The following DPYD variants were observed in gnomAD, a reference collection of about 807,000 sequenced individuals.
DPYD encodes dihydropyrimidine dehydrogenase.
DPYD carries 109 observed loss-of-function variants against 116.2 expected under a neutral mutation model. The ratio of observed to expected loss-of-function variants is 0.94; its 90% CI spans 0.80 to 1.10. The LOEUF is 1.10. Ranked by LOEUF, DPYD falls within the 50% of genes least tolerant of loss-of-function variation. DPYD has a pLI of 0.00. For synonymous variants in DPYD, 440 were observed against 432.0 expected, an observed-to-expected ratio of 1.02 and a Z score of -0.23; for missense variants, 1,302 against 1,254.5, an observed-to-expected ratio of 1.04 and a Z score of -0.57.
intron 21 of DPYD, among the ~76,000 whole-genome samples, chr1:97,092,006 G>A (rs1384126241): frequency 6.6e-6 from 1 of 152,086 alleles, no homozygotes; most frequent in Non-Finnish European, 1.5e-5. Context: ...TTCTTCCCCT[G>A]GATACCCACA....
chr1:97,363,477 A>C (rs1349353796), intron 16 of DPYD, among the ~76,000 whole-genome samples: 1 of 152,244 alleles, frequency 6.6e-6, no homozygotes, highest in African/African-American at 2.4e-5. Flanking sequence ...ATTATAAATC[A>C]TGCTACTATA....
intron 5 of DPYD, among the ~76,000 whole-genome samples, chr1:97,704,011 C>T (rs1473548267): frequency 6.6e-6 from 1 of 151,930 alleles, no homozygotes; most frequent in Non-Finnish European, 1.5e-5. Flanking sequence ...GTTTTTTTAG[C>T]CACTAATATT....
chr1:97,164,990 G>A (rs888007727), intron 20 of DPYD, among the ~76,000 whole-genome samples: 1 of 151,918 alleles, frequency 6.6e-6, no homozygotes, highest in African/African-American at 2.4e-5. Flanking sequence ...TTACAGGTGT[G>A]AGCCACTGCG....
intron 13 of DPYD, among the ~76,000 whole-genome samples, chr1:97,490,899 C>A (rs1678934775): frequency 6.7e-6 from 1 of 149,936 alleles, no homozygotes. Context: ...ACTTATTTTA[C>A]TACATTTGCT....
chr1:97,833,354 C>G (rs930243582), intron 2 of DPYD, among the ~76,000 whole-genome samples: 18 of 151,984 alleles, frequency 1.2e-4, no homozygotes, highest in Non-Finnish European at 8.8e-5. Flanking sequence ...GTAAATAAGA[C>G]AAGACTTCAA....
chr1:97,758,499 T>C (rs1177056119), intron 3 of DPYD, among the ~76,000 whole-genome samples: 1 of 152,184 alleles, frequency 6.6e-6, no homozygotes, highest in African/African-American at 2.4e-5. Context: ...TCATTAGCAG[T>C]GAAACCCTTA....
At chr1:97,383,624 C>T (rs950261729) in intron 14 of DPYD, among the ~76,000 whole-genome samples, 15 of 152,052 alleles carry the variant, frequency 9.9e-5, no homozygotes, top group African/African-American at 3.4e-4. Context: ...TTATTCTCCC[C>T]ACTTTATAGA....
chr1:97,660,610 G>A (rs79415308), intron 8 of DPYD, among the ~76,000 whole-genome samples: 1 of 151,926 alleles, frequency 6.6e-6, no homozygotes, highest in Non-Finnish European at 1.5e-5. Context: ...AGGACTCAAG[G>A]TTCTTTCTCT....
intron 12 of DPYD, 32 bp from the exon 13 acceptor site, chr1:97,515,973 A>C: frequency 3.8e-6 from 6 of 1,574,252 alleles, no homozygotes; most frequent in Non-Finnish European, 5.2e-6. Flanking sequence ...TTGGTTTCAT[A>C]TTACATCTAA....
rs1184321568 is a variant in DPYD, at chr1:97,593,250, CT to C, written c.1095del (p.Gly366AlafsTer5). ...GARRVFIVFR[K>X]GFVNIRAVPE... ...GGGACAGCTCTTATATTAACAAAGC[CT>C]TTTCTGAAGACGATGAACACACGGC... On this transcript the variant is annotated frameshift_variant, in exon 10 of 23. Coordinates refer to ENST00000370192, the MANE Select transcript of DPYD (RefSeq NM_000110.4). LOFTEE classifies it high-confidence loss of function. The C allele has an allele frequency of 6.2e-7, 1 of 1,614,052 alleles. No individual in the cohort carries two copies. Among genetic ancestry groups the C allele is most frequent in the South Asian group, 1.1e-5 (1 of 91,080 alleles).
At chr1:97,235,061 T>A (rs1661819659) in intron 18 of DPYD, 67 bp from the exon 19 acceptor site, 1 of 1,586,464 alleles carries the variant, frequency 6.3e-7, no homozygotes, top group Non-Finnish European at 8.6e-7. Context: ...TTATATTACT[T>A]CTATTACTAT....
intron 4 of DPYD, among the ~76,000 whole-genome samples, chr1:97,726,379 G>T (rs941326895): frequency 6.6e-6 from 1 of 151,486 alleles, no homozygotes. Flanking sequence ...TAATAATAAT[G>T]AAAATGAGCA....
intron 11 of DPYD, among the ~76,000 whole-genome samples, chr1:97,551,643 TTGAAATTTAAGTAGAGATTTCATTCTA>T (rs1651329431): frequency 6.6e-6 from 1 of 152,160 alleles, no homozygotes; most frequent in Admixed American, 6.6e-5. Flanking sequence ...AGCAATATCC[TTGAAATTTAAGTAGAGATTTCATTCTA>T]TGCTTGAGCA....
At chr1:97,375,089 G>A (rs1416168787) in intron 15 of DPYD, among the ~76,000 whole-genome samples, 2 of 151,166 alleles carry the variant, frequency 1.3e-5, no homozygotes, top group Non-Finnish European at 2.9e-5. Flanking sequence ...TAAACTAGCT[G>A]ATTCAAATTT....
Position 97,594,192 on chromosome 1 carries a change from C to T in DPYD, c.959-805G>A, listed in dbSNP as rs548046835. On this transcript the variant is annotated intron_variant, in intron 9 of 22. Transcript: ENST00000370192. ...TAAATGGTACCAAGAATAGAATAAA[C>T]CTATAATTTCAATAAGTGTAATCAT... Among the ~76,000 whole-genome samples the T allele has an allele frequency of 4.6e-5, 7 of 152,198 alleles. No individual in the cohort carries two copies. In the South Asian group the frequency reaches 8.3e-4, roughly 18 times the overall value.
chr1:97,917,011 A>C (rs1183255900), intron 1 of DPYD, among the ~76,000 whole-genome samples: 1 of 152,240 alleles, frequency 6.6e-6, no homozygotes, highest in Admixed American at 6.5e-5. Flanking sequence ...AACACTTTAA[A>C]GTAAAACTAT....
chr1:97,179,120 G>T (rs1657477220), intron 20 of DPYD, among the ~76,000 whole-genome samples: 1 of 152,146 alleles, frequency 6.6e-6, no homozygotes, highest in South Asian at 2.1e-4. Flanking sequence ...ACAAAGAATA[G>T]AAAATATTAG....
At chr1:97,514,336 C>G in intron 13 of DPYD, 3 of 699,754 alleles carry the variant, frequency 4.3e-6, no homozygotes, top group Non-Finnish European at 3.5e-6. Flanking sequence ...AAATTCAAAG[C>G]AGCAAACACC....
intron 1 of DPYD, among the ~76,000 whole-genome samples, chr1:97,899,165 G>A (rs1338015519): frequency 6.6e-6 from 1 of 151,644 alleles, no homozygotes; most frequent in African/African-American, 2.4e-5. Context: ...TACATTAACA[G>A]TGTGATTAAT....
Sources: gnomAD v4.1 joint callset for allele counts (sites outside exome capture counted in the v4.1 genomes callset) on GRCh38, gnomAD v4.1.1 for gene constraint, MANE v1.5 for transcripts, NCBI Gene and HGNC (gene_info 2026-07-23, HGNC 2026-07-21) for gene names.